The following MYO3A variants were observed in gnomAD, a reference collection of about 807,000 sequenced individuals.
MYO3A encodes the protein myosin-IIIa.
MYO3A carries 180 observed loss-of-function variants against 192.7 expected under a neutral mutation model. The ratio of observed to expected loss-of-function variants is 0.93; its 90% confidence interval spans 0.83 to 1.06. MYO3A has a LOEUF of 1.06. Among genes scored for constraint, MYO3A ranks in the 50% least tolerant of loss-of-function variants. The pLI, the probability that MYO3A is intolerant of heterozygous loss-of-function variation, is 0.00. For synonymous variants in MYO3A, 628 were observed against 645.3 expected, an observed-to-expected ratio of 0.97 and a Z score of 0.41; for missense variants, 1,896 against 1,905.0, an observed-to-expected ratio of 1.00 and a Z score of 0.09.
intron 20 of MYO3A, among the ~76,000 whole-genome samples, chr10:26,135,881 G>A (rs768889060): frequency 4.1e-5 from 6 of 147,340 alleles, no homozygotes; most frequent in Admixed American, 7.0e-5. Flanking sequence ...CAGAAGAATC[G>A]CTTGAACCCA....
intron 4 of MYO3A, among the ~76,000 whole-genome samples, chr10:25,983,086 A>G (rs968975095): frequency 2.0e-5 from 3 of 151,610 alleles, no homozygotes; most frequent in African/African-American, 7.3e-5. Context: ...GTGAAATATT[A>G]AATAGATAGC....
At chr10:26,180,047 C>G (rs1842547092) in intron 31 of MYO3A, among the ~76,000 whole-genome samples, 1 of 152,044 alleles carries the variant, frequency 6.6e-6, no homozygotes, top group Non-Finnish European at 1.5e-5. Context: ...GTTGGCCAGG[C>G]TGGTCTTGAA....
intron 10 of MYO3A, among the ~76,000 whole-genome samples, chr10:26,039,005 G>A (rs1843180957): frequency 2.0e-5 from 3 of 151,014 alleles, no homozygotes; most frequent in Non-Finnish European, 4.4e-5. Flanking sequence ...ATCCCACTTG[G>A]TCATAATGAA....
chr10:26,203,003 G>A lies in MYO3A; in HGVS notation c.4626G>A (p.Lys1542=). The A allele has an allele frequency of 6.2e-7, 1 of 1,613,708 alleles. No individual in the cohort carries two copies. Among genetic ancestry groups the A allele is most frequent in the Non-Finnish European group, 8.5e-7 (1 of 1,179,784 alleles). The change falls in exon 34 of 35, where the codon AAG becomes AAA. Residue 1542 remains lysine (K), a synonymous_variant. Coordinates refer to ENST00000642920, the MANE Select transcript of MYO3A (RefSeq NM_017433.5). ...KLLDLEDFYY[K]EFLPSRSGPK... is the part of the protein sequence containing the mutation. ...TAGATTTGGAAGATTTCTATTATAA[G>A]GAATTTTTGCCCAGTCGTTCTGGAC...
chr10:26,119,731 T>A (rs181851919), intron 17 of MYO3A, among the ~76,000 whole-genome samples: 2 of 152,298 alleles, frequency 1.3e-5, no homozygotes, highest in African/African-American at 4.8e-5. Flanking sequence ...GACTCCTTGA[T>A]AAATGCCTCC....
At chr10:26,102,857 C>T (rs1471437539) in intron 17 of MYO3A, among the ~76,000 whole-genome samples, 1 of 152,238 alleles carries the variant, frequency 6.6e-6, no homozygotes, top group Non-Finnish European at 1.5e-5. Flanking sequence ...CAGGGACCCA[C>T]TTGAGGAGGC....
At chr10:26,068,966 GAAA>G in intron 12 of MYO3A, 82 bp downstream of exon 12, 1 of 962,012 alleles carries the variant, frequency 1.0e-6, no homozygotes, top group Non-Finnish European at 1.6e-6. Flanking sequence ...ATGAATGCCA[GAAA>G]ATTTTATCCA....
At chr10:25,957,404 G>A (rs113564361) in intron 4 of MYO3A, among the ~76,000 whole-genome samples, 51 of 152,236 alleles carry the variant, frequency 3.4e-4, no homozygotes, top group African/African-American at 1.1e-3. Flanking sequence ...CTCCCCAGCC[G>A]TGTGGAACCA....
At chr10:26,062,059 G>A (rs575266386) in intron 10 of MYO3A, among the ~76,000 whole-genome samples, 3 of 152,224 alleles carry the variant, frequency 2.0e-5, no homozygotes, top group Admixed American at 2.0e-4. Flanking sequence ...GGGATATACA[G>A]TCACTTAGTC....
chr10:26,034,641 G>A (rs902367574), intron 10 of MYO3A, among the ~76,000 whole-genome samples: 3 of 152,012 alleles, frequency 2.0e-5, no homozygotes, highest in African/African-American at 7.3e-5. Context: ...CATTTGCTAT[G>A]ACCAGATCTA....
At chr10:26,131,178 G>A (rs528291966) in intron 20 of MYO3A, among the ~76,000 whole-genome samples, 1 of 152,246 alleles carries the variant, frequency 6.6e-6, no homozygotes, top group East Asian at 1.9e-4. Flanking sequence ...TACAACACTG[G>A]AACATAAATA....
intron 10 of MYO3A, among the ~76,000 whole-genome samples, chr10:26,056,960 GAA>G (rs59183894): frequency 2.7e-5 from 4 of 150,234 alleles, no homozygotes; most frequent in Non-Finnish European, 3.0e-5. Context: ...AGGACAGGAG[GAA>G]AAAAAAAATA....
intron 4 of MYO3A, among the ~76,000 whole-genome samples, chr10:25,987,283 T>A (rs1367035413): frequency 6.6e-6 from 1 of 152,180 alleles, no homozygotes; most frequent in Non-Finnish European, 1.5e-5. Context: ...GGAAAAACCC[T>A]TTTAGACATT....
At chr10:26,086,072 C>T (rs1697339171) in intron 14 of MYO3A, among the ~76,000 whole-genome samples, 1 of 152,034 alleles carries the variant, frequency 6.6e-6, no homozygotes, top group Admixed American at 6.5e-5. Flanking sequence ...CCCATTCTCA[C>T]ACTGCTATAA....
chr10:26,187,271 C>T (rs972443710), intron 31 of MYO3A, among the ~76,000 whole-genome samples: 8 of 152,030 alleles, frequency 5.3e-5, no homozygotes, highest in African/African-American at 1.2e-4. Context: ...AAATAGTAAG[C>T]GGCAAGAATA....
chr10:25,962,999 T>C (rs1229728195), intron 4 of MYO3A, among the ~76,000 whole-genome samples: 1 of 152,194 alleles, frequency 6.6e-6, no homozygotes, highest in Non-Finnish European at 1.5e-5. Flanking sequence ...AGTTAGGACA[T>C]CTTTCTGTTA....
chr10:26,083,942 T>C (rs569495393), intron 14 of MYO3A, among the ~76,000 whole-genome samples: 4 of 152,358 alleles, frequency 2.6e-5, no homozygotes, highest in Admixed American at 6.5e-5. Context: ...AATGTCCTTT[T>C]TCTTCCTGCA....
intron 14 of MYO3A, among the ~76,000 whole-genome samples, chr10:26,072,532 G>A (rs758418362): frequency 6.6e-6 from 1 of 152,158 alleles, no homozygotes; most frequent in African/African-American, 2.4e-5. Context: ...AAGCAATAAT[G>A]ATGAATGTGG....
At chr10:25,991,707 G>A (rs1840044049) in intron 4 of MYO3A, among the ~76,000 whole-genome samples, 1 of 152,260 alleles carries the variant, frequency 6.6e-6, no homozygotes, top group African/African-American at 2.4e-5. Context: ...GTAAGGAAGG[G>A]ATCCAGTTTC....
Sources: allele counts gnomAD v4.1 joint callset (sites outside exome capture counted in the v4.1 genomes callset), GRCh38; gene constraint gnomAD v4.1.1; transcripts MANE v1.5; gene names NCBI Gene and HGNC (gene_info 2026-07-23, HGNC 2026-07-21).